Variants in SYCP1 observed in about 807,000 individuals in gnomAD.
SYCP1 encodes cancer/testis antigen 8.
In SYCP1, 64 loss-of-function variants were observed where a neutral mutation model predicts 153.1. The observed-to-expected ratio is 0.42, with a 90% CI of 0.34 to 0.51. The LOEUF is 0.51. Among genes scored for constraint, SYCP1 ranks in the 20% least tolerant of loss-of-function variants. SYCP1 has a pLI of 0.06. For synonymous variants in SYCP1, 384 were observed against 341.8 expected (o/e 1.12, Z -1.36); for missense variants, 997 against 1,049.0 (o/e 0.95, Z 0.68).
At chr1:114,979,813 A>G (rs1474909487) in intron 28 of SYCP1, among the ~76,000 whole-genome samples, 1 of 151,818 alleles carries the variant, frequency 6.6e-6, no homozygotes, top group Non-Finnish European at 1.5e-5. Flanking sequence ...AAGCTTGGAG[A>G]TACTTGAAGA....
At chr1:114,989,494 G>A (rs1673772077) in intron 30 of SYCP1, among the ~76,000 whole-genome samples, 1 of 151,860 alleles carries the variant, frequency 6.6e-6, no homozygotes, top group African/African-American at 2.4e-5. Context: ...GCAAAATTCA[G>A]AGCTATGTCC....
intron 20 of SYCP1, among the ~76,000 whole-genome samples, chr1:114,922,107 C>T (rs1286445328): frequency 9.2e-5 from 14 of 152,090 alleles, no homozygotes; most frequent in Non-Finnish European, 1.9e-4. Context: ...CTTAAGGAAG[C>T]CTTCTTTGGT....
intron 23 of SYCP1, among the ~76,000 whole-genome samples, chr1:114,943,569 C>A (rs905888564): frequency 6.6e-6 from 1 of 151,666 alleles, no homozygotes; most frequent in African/African-American, 2.4e-5. Context: ...TGCAATGAAT[C>A]TATAAAGAAG....
Position 114,981,460 on chromosome 1 carries a change from G to A in SYCP1, c.2507G>A (p.Arg836Lys). The change falls in exon 29 of 32, where the codon AGA becomes AAA. Residue 836 changes from arginine (R) to lysine (K), a missense_variant. By Grantham distance (26) the Arg-to-Lys change is conservative (BLOSUM62 2). Around this residue, in one of 2 missense-constraint regions of SYCP1, gnomAD observed 712 missense variants for 682.9 expected, o/e 1.04. Transcript: ENST00000369522. ...SVDHGISKDK[R>K]DYLWTSAKNT... is the part of the protein sequence containing the mutation. Reference sequence around the variant, plus strand: ...GATCATGGCATATCCAAAGATAAAAGAGACTATCTGTGGACATCTGCCAAA... The same window carrying A: ...GATCATGGCATATCCAAAGATAAAAAAGACTATCTGTGGACATCTGCCAAA... 6.2e-7 allele frequency: 1 copy of A among 1,608,114 alleles called. No homozygotes were observed. The highest frequency in any genetic ancestry group is 8.5e-7 in the Non-Finnish European group (1 of 1,178,072).
chr1:114,926,601 T>C (rs1259866278), intron 23 of SYCP1, 38 bp downstream of exon 23: 1 of 1,472,190 alleles, frequency 6.8e-7, no homozygotes, highest in South Asian at 1.3e-5. Flanking sequence ...TAAATACTAA[T>C]AGATAGATGA....
At chr1:114,945,580 T>C (rs1201177249) in intron 25 of SYCP1, among the ~76,000 whole-genome samples, 1 of 151,902 alleles carries the variant, frequency 6.6e-6, no homozygotes, top group Non-Finnish European at 1.5e-5. Flanking sequence ...TTAAATAACA[T>C]TGTGAACTCA....
At chr1:114,987,167 G>T (rs779411538) in intron 30 of SYCP1, among the ~76,000 whole-genome samples, 2 of 151,766 alleles carry the variant, frequency 1.3e-5, no homozygotes, top group African/African-American at 2.4e-5. Flanking sequence ...AAAGCAAAAA[G>T]GAATTTAGCT....
At chr1:114,868,246 C>A (rs928612602) in intron 8 of SYCP1, among the ~76,000 whole-genome samples, 3 of 151,886 alleles carry the variant, frequency 2.0e-5, no homozygotes, top group African/African-American at 7.3e-5. Context: ...TTAAGTGATC[C>A]TCCTGCCTCA....
At chr1:114,911,117 T>C (rs115596636) in intron 17 of SYCP1, among the ~76,000 whole-genome samples, 9,255 of 152,066 alleles carry the variant, frequency 0.061, 320 homozygotes, top group Middle Eastern at 0.14. Flanking sequence ...TATTTTATAA[T>C]AATAAGAACA....
intron 8 of SYCP1, among the ~76,000 whole-genome samples, chr1:114,862,440 C>T (rs924696459): frequency 2.4e-4 from 36 of 151,840 alleles, no homozygotes; most frequent in African/African-American, 8.7e-4. Context: ...CCTCCCACCC[C>T]TAGGGTTCAA....
chr1:114,954,092 G>T (rs990901734), intron 27 of SYCP1, among the ~76,000 whole-genome samples: 2 of 152,080 alleles, frequency 1.3e-5, no homozygotes, highest in African/African-American at 4.8e-5. Context: ...TTGACAAATA[G>T]TAATTGTGTA....
At chr1:114,867,373 TC>T (rs1377532150) in intron 8 of SYCP1, among the ~76,000 whole-genome samples, 1 of 152,162 alleles carries the variant, frequency 6.6e-6, no homozygotes, top group Non-Finnish European at 1.5e-5. Flanking sequence ...TATTGAATCT[TC>T]CTATCTATGA....
At chr1:114,868,432 C>A (rs1248068318) in intron 8 of SYCP1, among the ~76,000 whole-genome samples, 1 of 152,088 alleles carries the variant, frequency 6.6e-6, no homozygotes, top group East Asian at 1.9e-4. Context: ...TAGGTGTGGG[C>A]CACTGTGTCA....
chr1:114,886,031 A>G (rs1289683139), intron 13 of SYCP1, 94 bp from the exon 14 acceptor site: 22 of 754,510 alleles, frequency 2.9e-5, no homozygotes, highest in Non-Finnish European at 4.3e-5. Flanking sequence ...TGAGGGTGGG[A>G]AAGGGGCAGT....
rs569843931 is a variant in SYCP1 at position 114,909,300 on chromosome 1, C to G, written c.1321-1097C>G. Among the ~76,000 whole-genome samples, 3 of 144,422 alleles carry G rather than the reference C, an allele frequency of 2.1e-5. No homozygotes were observed. The South Asian group carries it at 6.2e-4, about 30-fold the overall frequency. 94.7% of individuals were successfully genotyped at this position (144,422 alleles called of 152,430 possible). On this transcript the variant is annotated intron_variant, in intron 16 of 31. Transcript: ENST00000369522. ...GGGGTTTCTATTGTAGTTTTAGCTGCCTATACCACACTGCTTAGCAGTGAC... is the reference window on the plus strand; with the variant it reads ...GGGGTTTCTATTGTAGTTTTAGCTGGCTATACCACACTGCTTAGCAGTGAC...
At chr1:114,881,056 T>TACACACACACAC (rs67335338) in intron 12 of SYCP1, among the ~76,000 whole-genome samples, 49 of 145,044 alleles carry the variant, frequency 3.4e-4, no homozygotes, top group African/African-American at 1.2e-3. Context: ...TTTGTGTATA[T>TACACACACACAC]ACACACACAC....
At chr1:114,982,393 A>C (rs1308709552) in intron 29 of SYCP1, among the ~76,000 whole-genome samples, 2 of 151,864 alleles carry the variant, frequency 1.3e-5, no homozygotes, top group Non-Finnish European at 1.5e-5. Flanking sequence ...AGGTGTCTGC[A>C]AGTCTCTGAG....
intron 23 of SYCP1, among the ~76,000 whole-genome samples, chr1:114,939,443 T>C (rs1670244823): frequency 6.6e-6 from 1 of 152,220 alleles, no homozygotes; most frequent in South Asian, 2.1e-4. Flanking sequence ...TATATTCATA[T>C]AATGGAATAC....
intron 23 of SYCP1, among the ~76,000 whole-genome samples, chr1:114,941,692 G>A (rs1303817064): frequency 6.6e-6 from 1 of 151,824 alleles, no homozygotes; most frequent in Admixed American, 6.6e-5. Flanking sequence ...GTGAACTGGG[G>A]GTAAGCAGTA....
Sources: allele counts gnomAD v4.1 joint callset (sites outside exome capture counted in the v4.1 genomes callset), GRCh38; gene constraint gnomAD v4.1.1; regional missense constraint gnomAD v4.1.1; transcripts MANE v1.5; gene names NCBI Gene and HGNC (gene_info 2026-07-23, HGNC 2026-07-21).